The following NAALADL2 variants were observed in gnomAD, a reference collection of about 807,000 sequenced individuals.
The protein encoded by NAALADL2 is N-acetylated alpha-linked acidic dipeptidase like 2.
In NAALADL2, 76 loss-of-function variants were observed where a neutral mutation model predicts 87.2. The ratio of observed to expected loss-of-function variants is 0.87; its 90% CI spans 0.72 to 1.05. The LOEUF (loss-of-function observed/expected upper bound fraction) is 1.05, where lower values mean the gene tolerates loss of function less well. Ranked by LOEUF, NAALADL2 falls within the 50% of genes least tolerant of loss-of-function variation. The pLI, the probability that NAALADL2 is intolerant of heterozygous loss-of-function variation, is 0.00. For synonymous variants in NAALADL2, 354 were observed against 331.0 expected (o/e 1.07, Z -0.75); for missense variants, 1,089 against 945.8 (o/e 1.15, Z -1.99).
At chr3:174,558,734 C>T (rs1483663181) in intron 2 of NAALADL2, among the ~76,000 whole-genome samples, 3 of 152,064 alleles carry the variant, frequency 2.0e-5, no homozygotes, top group African/African-American at 2.4e-5. Flanking sequence ...TGGCTTTTTC[C>T]TAACAGGCCA....
In NAALADL2 at chr3:175,624,617, C is replaced by T. The variant is rs78459452; in HGVS notation, c.1801-2674C>T. On this transcript the variant is annotated intron_variant, in intron 10 of 13. Transcript: ENST00000454872. ...AAAAGTGTGATGTAACAAAAAATTA[C>T]GTAAACATAAATTATGTAGCTAATG... 1.9e-3 allele frequency among the ~76,000 whole-genome samples: 294 copies of T among 151,972 alleles called. 4 individuals are homozygous for T. Among genetic ancestry groups the T allele is most frequent in the African/African-American group, 6.0e-3 (248 of 41,490 alleles).
chr3:175,330,401 G>A (rs368704181), intron 5 of NAALADL2, among the ~76,000 whole-genome samples: 8 of 151,490 alleles, frequency 5.3e-5, no homozygotes, highest in South Asian at 4.2e-4. Context: ...CATGATCACA[G>A]TACTTCACGC....
At chr3:174,550,238 A>G (rs1711957235) in intron 1 of NAALADL2, among the ~76,000 whole-genome samples, 1 of 152,070 alleles carries the variant, frequency 6.6e-6, no homozygotes, top group African/African-American at 2.4e-5. Context: ...AAATAAAAAT[A>G]AAAAAGGTTT....
chr3:174,766,257 T>A (rs1713789523), intron 3 of NAALADL2, among the ~76,000 whole-genome samples: 1 of 152,214 alleles, frequency 6.6e-6, no homozygotes, highest in South Asian at 2.1e-4. Context: ...CTGTACTTCC[T>A]TTGATGGGGC....
intron 9 of NAALADL2, among the ~76,000 whole-genome samples, chr3:175,510,146 C>T (rs568248245): frequency 1.6e-3 from 244 of 151,792 alleles, no homozygotes; most frequent in Non-Finnish European, 2.7e-3. Flanking sequence ...GATGATGAGG[C>T]CAGCAAGGAG....
At chr3:175,583,205 A>G (rs1302236486) in intron 10 of NAALADL2, among the ~76,000 whole-genome samples, 4 of 152,226 alleles carry the variant, frequency 2.6e-5, no homozygotes, top group Admixed American at 6.5e-5. Context: ...TGATCCCAGC[A>G]TCAAGAGAGT....
At chr3:175,700,503 G>T (rs992928784) in intron 11 of NAALADL2, among the ~76,000 whole-genome samples, 7 of 152,258 alleles carry the variant, frequency 4.6e-5, no homozygotes, top group African/African-American at 1.4e-4. Context: ...GGAAGAATCT[G>T]ATGATACGTA....
intron 1 of NAALADL2, among the ~76,000 whole-genome samples, chr3:175,032,569 C>T (rs762455644): frequency 6.6e-6 from 1 of 152,006 alleles, no homozygotes; most frequent in Non-Finnish European, 1.5e-5. Flanking sequence ...ATTTTTCAGC[C>T]ATCCAACAGC....
chr3:175,630,273 A>T (rs1315853112), intron 11 of NAALADL2, among the ~76,000 whole-genome samples: 4 of 151,798 alleles, frequency 2.6e-5, no homozygotes, highest in African/African-American at 9.7e-5. Flanking sequence ...CGAGTACAGG[A>T]TATATGGAGC....
chr3:175,155,569 G>T (rs1732183457), intron 2 of NAALADL2, among the ~76,000 whole-genome samples: 1 of 151,942 alleles, frequency 6.6e-6, no homozygotes, highest in Non-Finnish European at 1.5e-5. Context: ...AGGTTTTCTT[G>T]TCTTTTTTTT....
At chr3:175,468,302 T>C (rs1724392681) in intron 8 of NAALADL2, among the ~76,000 whole-genome samples, 1 of 152,100 alleles carries the variant, frequency 6.6e-6, no homozygotes. Context: ...TTGGGCCATA[T>C]TCAAAAGAAT....
rs183319956 is a variant in NAALADL2, at chr3:174,462,587, G to A, written c.-184+21555G>A. The stretch of plus-strand genomic sequence containing the variant: ...TACTCTGAAAAATAAAGATAGATCC[G>A]GATTCAAAATTGCCAAGAATTAATT... On this transcript the variant is annotated intron_variant, in intron 1 of 3. Transcript: ENST00000434257. 1.6e-4 allele frequency among the ~76,000 whole-genome samples: 24 copies of A among 152,152 alleles called. No homozygotes were observed. The East Asian group carries it at 3.1e-3, about 20-fold the overall frequency.
At chr3:175,162,570 C>T (rs1733387612) in intron 2 of NAALADL2, among the ~76,000 whole-genome samples, 1 of 152,068 alleles carries the variant, frequency 6.6e-6, no homozygotes, top group South Asian at 2.1e-4. Flanking sequence ...ATTTGTGCCT[C>T]TTGAGTATGT....
intron 5 of NAALADL2, among the ~76,000 whole-genome samples, chr3:175,395,873 C>G (rs981018738): frequency 2.6e-5 from 4 of 152,062 alleles, no homozygotes; most frequent in African/African-American, 7.2e-5. Flanking sequence ...CAGTATGAAC[C>G]AATCCTTGAC....
intron 12 of NAALADL2, among the ~76,000 whole-genome samples, chr3:175,745,939 A>G (rs911873724): frequency 3.3e-5 from 5 of 152,200 alleles, no homozygotes; most frequent in Non-Finnish European, 7.3e-5. Context: ...CTTAAATAGC[A>G]TTATCGTAAA....
In NAALADL2 at chr3:175,319,590, C is replaced by T. The variant is rs144839215; in HGVS notation, c.940-4585C>T. Reference sequence around the variant, plus strand: ...ATCCCAGCCCTTCGGGAGGCCGAGTCGGCAATATCATTTGGGGTCAGGAAT... The same window carrying T: ...ATCCCAGCCCTTCGGGAGGCCGAGTTGGCAATATCATTTGGGGTCAGGAAT... On this transcript the variant is annotated intron_variant, in intron 4 of 13. Transcript: ENST00000454872. 1.4e-3 allele frequency among the ~76,000 whole-genome samples: 215 copies of T among 152,196 alleles called. 2 individuals are homozygous for T. In the East Asian group the frequency reaches 0.025, roughly 18 times the overall value.
chr3:175,116,801 C>T (rs1398688835), intron 2 of NAALADL2, among the ~76,000 whole-genome samples: 1 of 152,016 alleles, frequency 6.6e-6, no homozygotes, highest in African/African-American at 2.4e-5. Context: ...CCTGCGTTGC[C>T]AAGACAACCC....
chr3:175,786,183 A>T (rs1295489840), intron 13 of NAALADL2, among the ~76,000 whole-genome samples: 1 of 151,404 alleles, frequency 6.6e-6, no homozygotes, highest in Non-Finnish European at 1.5e-5. Context: ...TGTGTCTTGG[A>T]GTTGCTCTTC....
rs545232342 is a variant in NAALADL2, at chr3:175,701,015, C to G, written c.1897-36291C>G. Among the ~76,000 whole-genome samples, 3 of 152,182 alleles carry G rather than the reference C, an allele frequency of 2.0e-5. No individual in the cohort carries two copies. The East Asian group carries it at 5.8e-4, about 29-fold the overall frequency. On this transcript the variant is annotated intron_variant, in intron 11 of 13. Transcript: ENST00000454872. The stretch of plus-strand genomic sequence containing the variant: ...ATGGTACTGTGGAGATAAATGAAGA[C>G]CACCCAAATGACAACAACCTAGGTC...
Sources: gnomAD v4.1 joint callset for allele counts (sites outside exome capture counted in the v4.1 genomes callset) on GRCh38, gnomAD v4.1.1 for gene constraint, MANE v1.5 for transcripts, NCBI Gene and HGNC (gene_info 2026-07-23, HGNC 2026-07-21) for gene names.